Variants in PCDH11X observed in about 807,000 individuals in gnomAD.
PCDH11X encodes protocadherin-11 X-linked.
In PCDH11X, 18 loss-of-function variants were observed where a neutral mutation model predicts 53.3. The observed-to-expected ratio is 0.34, with a 90% confidence interval of 0.23 to 0.50. The LOEUF is 0.50. Ranked by LOEUF, PCDH11X falls within the 20% of genes least tolerant of loss-of-function variation. The probability of loss-of-function intolerance (pLI) is 0.98; values close to 1 mark genes in which losing one functional copy is unlikely to be tolerated. For synonymous variants in PCDH11X, 279 were observed against 393.3 expected (o/e 0.71, Z 3.44); for missense variants, 570 against 1,032.4 (o/e 0.55, Z 6.14).
intron 8 of PCDH11X, among the ~76,000 whole-genome samples, chrX:92,325,938 C>T (rs2093665484): frequency 8.9e-6 from 1 of 112,248 alleles, no homozygotes. Flanking sequence ...ATGTTACCTG[C>T]CATTAACACT....
intron 4 of PCDH11X, among the ~76,000 whole-genome samples, chrX:91,825,508 G>T (rs1184016152): frequency 8.9e-6 from 1 of 112,195 alleles, no homozygotes; most frequent in Non-Finnish European, 1.9e-5. Context: ...CTTTCCAAGT[G>T]AGGCAATGCC....
At chrX:91,792,898 G>T (rs1935603372) in intron 1 of PCDH11X, among the ~76,000 whole-genome samples, 2 of 109,065 alleles carry the variant, frequency 1.8e-5, no homozygotes, top group African/African-American at 6.7e-5. Flanking sequence ...AACATGCTTT[G>T]GTTGTAACTG....
chrX:92,279,329 C>T lies in PCDH11X; in HGVS notation c.3144+16186C>T, dbSNP rs184724626. On this transcript the variant is annotated intron_variant, in intron 8 of 10. Coordinates refer to ENST00000682573, the MANE Select transcript of PCDH11X (RefSeq NM_032968.5). Reference sequence around the variant, plus strand: ...TTTCTTCTTGAAGTGCATCATGCTTCAAACGATGCATCTCTTTACTAACAA... The same window carrying T: ...TTTCTTCTTGAAGTGCATCATGCTTTAAACGATGCATCTCTTTACTAACAA... Among the ~76,000 whole-genome samples, 68 of 112,084 alleles carry T rather than the reference C, an allele frequency of 6.1e-4. 1 individual carries two copies. Among genetic ancestry groups the T allele is most frequent in the African/African-American group, 2.1e-3 (65 of 30,909 alleles).
intron 10 of PCDH11X, among the ~76,000 whole-genome samples, chrX:92,553,464 CT>C (rs1285374566): frequency 9.1e-6 from 1 of 110,260 alleles, no homozygotes; most frequent in East Asian, 2.8e-4. Flanking sequence ...TGAATCTTCT[CT>C]TTTTTTATTA....
chrX:92,049,127 A>G (rs2063332499), intron 6 of PCDH11X, among the ~76,000 whole-genome samples: 1 of 110,564 alleles, frequency 9.0e-6, no homozygotes, highest in Admixed American at 9.7e-5. Flanking sequence ...AATGTTTCTT[A>G]TTGGACCTAA....
intron 9 of PCDH11X, among the ~76,000 whole-genome samples, chrX:92,446,477 C>T (rs1441718872): frequency 9.0e-6 from 1 of 110,816 alleles, no homozygotes. Context: ...TCTTGTGATA[C>T]TGAATGAGTC....
intron 6 of PCDH11X, chrX:91,882,828 C>A (rs1939974784): frequency 5.2e-6 from 6 of 1,149,567 alleles, no homozygotes; most frequent in Non-Finnish European, 7.0e-6. Context: ...CAAATTTTAA[C>A]CATGAAGCAT....
chrX:92,080,200 A>G (rs1198840220), intron 6 of PCDH11X, among the ~76,000 whole-genome samples: 1 of 111,018 alleles, frequency 9.0e-6, no homozygotes, highest in East Asian at 2.8e-4. Context: ...ATTATCTCCC[A>G]GAATCTCCAG....
At chrX:92,056,552 A>G (rs953011507) in intron 6 of PCDH11X, among the ~76,000 whole-genome samples, 17 of 110,307 alleles carry the variant, frequency 1.5e-4, no homozygotes. Context: ...CCCAGTTGTC[A>G]TTTTTTGCTT....
intron 8 of PCDH11X, among the ~76,000 whole-genome samples, chrX:92,315,964 AT>A (rs1191927887): frequency 2.4e-5 from 2 of 84,893 alleles, no homozygotes; most frequent in Non-Finnish European, 4.5e-5. Context: ...AATATATTTC[AT>A]TTTTATATTT....
At chrX:91,887,706 A>G (rs931559652) in intron 6 of PCDH11X, among the ~76,000 whole-genome samples, 4 of 111,624 alleles carry the variant, frequency 3.6e-5, no homozygotes, top group African/African-American at 1.3e-4. Flanking sequence ...GCATTTTAAA[A>G]TTATAGAATT....
intron 7 of PCDH11X, among the ~76,000 whole-genome samples, chrX:92,253,558 T>A (rs2067502028): frequency 8.9e-6 from 1 of 112,027 alleles, no homozygotes; most frequent in South Asian, 3.7e-4. Flanking sequence ...ATATTGTTTT[T>A]TCCAATCCAT....
At chrX:92,548,661 T>G (rs2148747364) in intron 10 of PCDH11X, among the ~76,000 whole-genome samples, 1 of 109,898 alleles carries the variant, frequency 9.1e-6, no homozygotes, top group African/African-American at 3.3e-5. Context: ...ATTTTGCCCT[T>G]ATCTCCCACA....
At chrX:92,262,160 G>A (rs1438307437) in intron 7 of PCDH11X, among the ~76,000 whole-genome samples, 2 of 110,768 alleles carry the variant, frequency 1.8e-5, no homozygotes, top group Non-Finnish European at 3.8e-5. Flanking sequence ...GAGAAAGCAT[G>A]CATCCTCTTA....
chrX:92,357,180 G>A (rs368588035), intron 8 of PCDH11X, among the ~76,000 whole-genome samples: 14 of 110,323 alleles, frequency 1.3e-4, no homozygotes, highest in East Asian at 1.1e-3. Flanking sequence ...ATGTAAGAAT[G>A]TAAGTCATTA....
chrX:91,951,927 C>G (rs186050540), intron 6 of PCDH11X, among the ~76,000 whole-genome samples: 2,236 of 111,165 alleles, frequency 0.02, 63 homozygotes, highest in African/African-American at 0.069. Context: ...AGTAGCAAAG[C>G]CTACACCTGC....
intron 9 of PCDH11X, among the ~76,000 whole-genome samples, chrX:92,426,629 A>G (rs1361710361): frequency 9.2e-6 from 1 of 108,876 alleles, no homozygotes; most frequent in Non-Finnish European, 1.9e-5. Flanking sequence ...GTTGCATAAA[A>G]TAATACTATT....
At chrX:92,010,116 T>C in intron 6 of PCDH11X, among the ~76,000 whole-genome samples, 1 of 111,587 alleles carries the variant, frequency 9.0e-6, no homozygotes. Flanking sequence ...TGATTATATG[T>C]AACCAAACTG....
chrX:91,877,541 T>C lies in PCDH11X; in HGVS notation c.1301T>C (p.Ile434Thr). ...LDYESTKEYA[I>T]KLLAADAGKP... ...TATGAGTCCACAAAAGAATATGCCATTAAATTACTGGCTGCAGATGCTGGC... is the reference window on the plus strand; with the variant it reads ...TATGAGTCCACAAAAGAATATGCCACTAAATTACTGGCTGCAGATGCTGGC... The change falls in exon 6 of 11, where the codon ATT becomes ACT. Residue 434 changes from isoleucine (I) to threonine (T), a missense_variant. This residue lies in a region of PCDH11X where 226 missense variants were observed against 457.5 expected (regional missense o/e 0.49). Coordinates refer to ENST00000682573, the MANE Select transcript of PCDH11X (RefSeq NM_032968.5). 1 of 1,210,767 alleles carries C rather than the reference T, an allele frequency of 8.3e-7. No homozygotes were observed. Among genetic ancestry groups the C allele is most frequent in the Admixed American group, 2.2e-5 (1 of 45,888 alleles).
Sources: allele counts gnomAD v4.1 joint callset (sites outside exome capture counted in the v4.1 genomes callset), GRCh38; gene constraint gnomAD v4.1.1; regional missense constraint gnomAD v4.1.1; transcripts MANE v1.5; gene names NCBI Gene and HGNC (gene_info 2026-07-23, HGNC 2026-07-21).